MIGA1: variants seen among roughly 807,000 people sequenced by gnomAD.
MIGA1 encodes the protein mitoguardin 1.
In MIGA1, 58 loss-of-function variants were observed where a neutral mutation model predicts 82.0. The observed-to-expected ratio is 0.71, with a 90% CI of 0.57 to 0.88. The LOEUF is 0.88. Among genes scored for constraint, MIGA1 ranks in the 40% least tolerant of loss-of-function variants. The pLI is 0.00. For synonymous variants in MIGA1, 249 were observed against 253.6 expected, an observed-to-expected ratio of 0.98 and a Z score of 0.17; for missense variants, 751 against 749.1, an observed-to-expected ratio of 1.00 and a Z score of -0.03.
At chr1:77,845,738 TAGAATC>T (rs1377576542) in intron 8 of MIGA1, among the ~76,000 whole-genome samples, 1 of 152,184 alleles carries the variant, frequency 6.6e-6, no homozygotes, top group Non-Finnish European at 1.5e-5. Flanking sequence ...ACTAAGTTAA[TAGAATC>T]AGAATGCTTT....
At chr1:77,795,225 A>G (rs1013966658) in intron 2 of MIGA1, among the ~76,000 whole-genome samples, 1 of 152,088 alleles carries the variant, frequency 6.6e-6, no homozygotes, top group African/African-American at 2.4e-5. Context: ...CGGCCTCTCA[A>G]AGTGCTGGGA....
intron 14 of MIGA1, among the ~76,000 whole-genome samples, chr1:77,869,062 T>A (rs1466890795): frequency 1.3e-5 from 2 of 151,900 alleles, no homozygotes; most frequent in African/African-American, 4.8e-5. Context: ...CAAAGGTCTC[T>A]GGTTTTCCTA....
chr1:77,866,220 G>C (rs551977286), intron 13 of MIGA1, 118 bp from the exon 14 acceptor site: 1 of 917,154 alleles, frequency 1.1e-6, no homozygotes, highest in South Asian at 1.5e-5. Context: ...CGGCCGACTA[G>C]TTCTTATTAG....
At chr1:77,843,875 G>A (rs1333836299) in intron 8 of MIGA1, among the ~76,000 whole-genome samples, 1 of 151,792 alleles carries the variant, frequency 6.6e-6, no homozygotes, top group Non-Finnish European at 1.5e-5. Context: ...GAGGTGGAAG[G>A]ATTGCTTGAG....
chr1:77,826,893 C>G (rs1440948391), intron 7 of MIGA1, among the ~76,000 whole-genome samples: 3 of 151,678 alleles, frequency 2.0e-5, no homozygotes, highest in Non-Finnish European at 2.9e-5. Context: ...CAACCTCTGC[C>G]TCCTGGGTTC....
At chr1:77,850,875 TTTTG>T (rs1171169227) in intron 8 of MIGA1, among the ~76,000 whole-genome samples, 22 of 147,754 alleles carry the variant, frequency 1.5e-4, no homozygotes, top group African/African-American at 5.4e-4. Flanking sequence ...TTTTTTTTTG[TTTTG>T]TTTTTGTGAG....
chr1:77,873,776 T>A (rs1383467219), intron 15 of MIGA1, among the ~76,000 whole-genome samples: 1 of 152,248 alleles, frequency 6.6e-6, no homozygotes, highest in Non-Finnish European at 1.5e-5. Flanking sequence ...TTGGATGTTT[T>A]ACTATACCAT....
chr1:77,785,447 G>A (rs746450627), intron 2 of MIGA1, among the ~76,000 whole-genome samples: 10 of 152,052 alleles, frequency 6.6e-5, no homozygotes, highest in South Asian at 2.1e-4. Flanking sequence ...GAGTTCAAGC[G>A]ATTCTCCTGC....
At chr1:77,785,501 G>A (rs1054185323) in intron 2 of MIGA1, among the ~76,000 whole-genome samples, 2 of 152,194 alleles carry the variant, frequency 1.3e-5, no homozygotes, top group East Asian at 1.9e-4. Flanking sequence ...GTGCCACCAC[G>A]CCTGGCTAGT....
chr1:77,779,737 G>A lies in MIGA1; in HGVS notation c.81+1G>A, dbSNP rs1019109540. 6.4e-7 allele frequency: 1 copy of A among 1,554,428 alleles called. No homozygotes were observed. Among genetic ancestry groups the A allele is most frequent in the Non-Finnish European group, 8.7e-7 (1 of 1,148,048 alleles). On this transcript the variant is annotated splice_donor_variant, in intron 1 of 15. Transcript: ENST00000370791. LOFTEE classifies it high-confidence loss of function. ...AGCTGTACCTGGCCTGGAGCTCCAGGTACAGGGCCAGGGGCGGGGTGGGGT... is the reference window on the plus strand; with the variant it reads ...AGCTGTACCTGGCCTGGAGCTCCAGATACAGGGCCAGGGGCGGGGTGGGGT...
chr1:77,807,346 G>A (rs1466939699), intron 5 of MIGA1, among the ~76,000 whole-genome samples: 1 of 152,016 alleles, frequency 6.6e-6, no homozygotes, highest in Non-Finnish European at 1.5e-5. Flanking sequence ...AAAAAATTTT[G>A]TAGAGATGGG....
intron 12 of MIGA1, among the ~76,000 whole-genome samples, chr1:77,862,479 A>C (rs889989756): frequency 1.3e-5 from 2 of 151,530 alleles, no homozygotes; most frequent in South Asian, 4.2e-4. Context: ...TCGGTCCGGC[A>C]TGGTGGCTCA....
At chr1:77,795,698 C>T (rs1004809289) in intron 2 of MIGA1, among the ~76,000 whole-genome samples, 6 of 149,728 alleles carry the variant, frequency 4.0e-5, no homozygotes, top group African/African-American at 1.2e-4. Flanking sequence ...GGCATGATCT[C>T]GGCTCACTGC....
intron 2 of MIGA1, among the ~76,000 whole-genome samples, chr1:77,788,514 G>A (rs565803315): frequency 1.2e-4 from 19 of 152,106 alleles, no homozygotes; most frequent in Non-Finnish European, 2.2e-4. Flanking sequence ...AGTCTTGTTT[G>A]TATCTTTTTT....
chr1:77,791,243 T>TAAAAAAA (rs757682711), intron 2 of MIGA1, among the ~76,000 whole-genome samples: 48 of 116,846 alleles, frequency 4.1e-4, no homozygotes, highest in Non-Finnish European at 6.1e-4. Context: ...CCCTGTCTCT[T>TAAAAAAA]AAAAAAAAAA....
intron 7 of MIGA1, among the ~76,000 whole-genome samples, chr1:77,820,281 G>T (rs1025687024): frequency 1.3e-5 from 2 of 152,044 alleles, no homozygotes; most frequent in African/African-American, 2.4e-5. Context: ...GAGACAGAGG[G>T]CCTGACTGTG....
At chr1:77,864,085 G>A in intron 13 of MIGA1, 57 bp downstream of exon 13, 1 of 1,569,832 alleles carries the variant, frequency 6.4e-7, no homozygotes, top group Non-Finnish European at 8.6e-7. Context: ...GTGAGGCTGG[G>A]CGCAGTAGCT....
intron 7 of MIGA1, among the ~76,000 whole-genome samples, chr1:77,832,836 G>C (rs1208279524): frequency 6.6e-6 from 1 of 152,172 alleles, no homozygotes; most frequent in Admixed American, 6.6e-5. Flanking sequence ...GAAGAAGTCT[G>C]GAAGTGTGGC....
chr1:77,844,233 AC>A (rs1390779049), intron 8 of MIGA1, among the ~76,000 whole-genome samples: 1 of 150,290 alleles, frequency 6.7e-6, no homozygotes, highest in Non-Finnish European at 1.5e-5. Flanking sequence ...ACAATGAAAA[AC>A]TGAAAACAAC....
Sources: allele counts gnomAD v4.1 joint callset (sites outside exome capture counted in the v4.1 genomes callset), GRCh38; gene constraint gnomAD v4.1.1; transcripts MANE v1.5; gene names NCBI Gene and HGNC (gene_info 2026-07-23, HGNC 2026-07-21).